The following SAMD8 variants were observed in gnomAD, a reference collection of about 807,000 sequenced individuals.
SAMD8 encodes sphingomyelin synthase-related protein 1.
Under a neutral mutation model 42.0 loss-of-function variants are expected in SAMD8, and 20 were observed. The ratio of observed to expected loss-of-function variants is 0.48; its 90% confidence interval spans 0.34 to 0.69. The LOEUF (loss-of-function observed/expected upper bound fraction) is 0.69, where lower values mean the gene tolerates loss of function less well. Ranked by LOEUF, SAMD8 falls within the 30% of genes least tolerant of loss-of-function variation. The probability of loss-of-function intolerance (pLI) is 0.01; values close to 1 mark genes in which losing one functional copy is unlikely to be tolerated. For synonymous variants in SAMD8, 162 were observed against 173.0 expected, an observed-to-expected ratio of 0.94 and a Z score of 0.50; for missense variants, 328 against 511.6, an observed-to-expected ratio of 0.64 and a Z score of 3.46.
intron 1 of SAMD8, chr10:75,105,562 C>A: frequency 8.3e-7 from 1 of 1,210,844 alleles, no homozygotes; most frequent in South Asian, 1.4e-5. Flanking sequence ...ACAGCCCTGC[C>A]AACCAATCCT....
rs550353716 is a variant in SAMD8, at chr10:75,178,228, A to G, written c.*1536A>G. 5 of 152,350 alleles carry G rather than the reference A, an allele frequency of 3.3e-5. No homozygotes were observed. Among genetic ancestry groups the G allele is most frequent in the African/African-American group, 9.6e-5 (4 of 41,594 alleles). 9.4% of individuals were successfully genotyped at this position (152,350 alleles called of 1,614,324 possible). The stretch of plus-strand genomic sequence containing the variant: ...TCTCAGCTAGTGCTGAATGACCCCA[A>G]TTTGGGTCTGCTGTGAACATCATTT... On this transcript the variant is annotated 3_prime_UTR_variant, in exon 6 of 6. Coordinates refer to ENST00000542569, the MANE Select transcript of SAMD8 (RefSeq NM_001174156.2).
rs1841046914 is a variant in SAMD8, at chr10:75,179,606, AC to A, written c.*2915del. ...TTTTAACTATTATAAGGCAGTGTTT[AC>A]ATAAATTAATCATCTCTTTCTTGGA... On this transcript the variant is annotated 3_prime_UTR_variant, in exon 6 of 6. Transcript: ENST00000542569. 3 of 152,238 alleles carry A rather than the reference AC, an allele frequency of 2.0e-5. No individual in the cohort carries two copies. Among genetic ancestry groups the A allele is most frequent in the Admixed American group, 2.0e-4 (3 of 15,282 alleles). 9.4% of individuals were successfully genotyped at this position (152,238 alleles called of 1,614,324 possible).
intron 1 of SAMD8, among the ~76,000 whole-genome samples, chr10:75,140,162 G>T (rs1589952100): frequency 6.6e-6 from 1 of 152,128 alleles, no homozygotes; most frequent in Non-Finnish European, 1.5e-5. Context: ...ACACCACTTT[G>T]TCTTGATTTG....
chr10:75,111,871 A>T, intron 1 of SAMD8, 149 bp downstream of exon 1: 1 of 986,292 alleles, frequency 1.0e-6, no homozygotes, highest in Non-Finnish European at 1.3e-6. Context: ...CGGGATAGTC[A>T]GCTCTGGAAT....
intron 1 of SAMD8, among the ~76,000 whole-genome samples, chr10:75,126,421 C>T (rs946481501): frequency 4.6e-5 from 7 of 151,300 alleles, no homozygotes; most frequent in African/African-American, 1.7e-4. Flanking sequence ...GCCACATTGC[C>T]TAGTGTAATA....
chr10:75,108,149 G>A (rs369529608), upstream of SAMD8: 104 of 1,613,060 alleles, frequency 6.4e-5, no homozygotes, highest in African/African-American at 3.1e-4. Context: ...CCTTGTGGGC[G>A]GCGTTCAGCA....
intron 3 of SAMD8, among the ~76,000 whole-genome samples, chr10:75,166,650 T>C (rs1368481051): frequency 6.6e-6 from 1 of 152,210 alleles, no homozygotes; most frequent in African/African-American, 2.4e-5. Context: ...TTGTCCTGTT[T>C]TGCAGCAATA....
chr10:75,100,093 G>A (rs1049770501), intron 1 of SAMD8, among the ~76,000 whole-genome samples: 8 of 152,236 alleles, frequency 5.3e-5, no homozygotes, highest in Non-Finnish European at 1.0e-4. Flanking sequence ...TCAGGCCTGC[G>A]GAGCTTGGCA....
intron 1 of SAMD8, among the ~76,000 whole-genome samples, chr10:75,121,731 G>A (rs1418068108): frequency 2.6e-5 from 4 of 151,116 alleles, no homozygotes; most frequent in Admixed American, 6.6e-5. Flanking sequence ...TCACTTTGTC[G>A]CCCAGGCTGG....
intron 3 of SAMD8, among the ~76,000 whole-genome samples, chr10:75,166,024 C>CATATAGTCTG (rs1840668924): frequency 6.8e-6 from 1 of 146,670 alleles, no homozygotes; most frequent in South Asian, 2.2e-4. Context: ...ACAACATGTA[C>CATATAGTCTG]ATATAGTCTG....
At chr10:75,171,388 C>G (rs888738008) in intron 4 of SAMD8, among the ~76,000 whole-genome samples, 1 of 151,356 alleles carries the variant, frequency 6.6e-6, no homozygotes, top group East Asian at 2.0e-4. Context: ...AGGATGGTCT[C>G]GATCTCCTGA....
chr10:75,108,394 G>T, upstream of SAMD8: 1 of 1,128,176 alleles, frequency 8.9e-7, no homozygotes, highest in Non-Finnish European at 1.2e-6. Flanking sequence ...TCTGGTGGCT[G>T]AGCCGGCGGT....
At chr10:75,111,100 T>C (rs923498289), upstream of SAMD8, among the ~76,000 whole-genome samples, 1 of 152,162 alleles carries the variant, frequency 6.6e-6, no homozygotes, top group Non-Finnish European at 1.5e-5. Flanking sequence ...GACGTGAGCC[T>C]CCGCTCCCGG....
intron 4 of SAMD8, among the ~76,000 whole-genome samples, chr10:75,171,160 CTTTTTTTT>C (rs1003923090): frequency 5.8e-5 from 4 of 68,516 alleles, no homozygotes; most frequent in East Asian, 5.4e-4. Flanking sequence ...CTTTCTTTTT[CTTTTTTTT>C]TTTTTTTTTT....
chr10:75,164,219 A>G (rs1003612488), intron 2 of SAMD8, among the ~76,000 whole-genome samples: 1 of 152,150 alleles, frequency 6.6e-6, no homozygotes, highest in Non-Finnish European at 1.5e-5. Flanking sequence ...CCCTGTTTCA[A>G]AAACAACAAC....
At chr10:75,164,803 C>G (rs545238117) in intron 3 of SAMD8, 63 bp downstream of exon 3, 3 of 1,162,438 alleles carry the variant, frequency 2.6e-6, no homozygotes, top group East Asian at 2.3e-5. Context: ...ATCATAAAAT[C>G]TTAACCTTTC....
At chr10:75,100,423 C>A (rs543667891) in intron 1 of SAMD8, among the ~76,000 whole-genome samples, 3 of 152,288 alleles carry the variant, frequency 2.0e-5, no homozygotes, top group African/African-American at 4.8e-5. Context: ...CCGGCCACCC[C>A]CCCAGGGACT....
Position 75,150,720 on chromosome 10 carries a change from C to T in SAMD8, c.192C>T (p.Asp64=), listed in dbSNP as rs149281374. The change falls in exon 2 of 6, where the codon GAC becomes GAT. Residue 64 remains aspartate (D), a synonymous_variant. Transcript: ENST00000542569. ...CTCTGGAAATCAAAGTCTTAGGGGA[C>T]ATTAAAAGGTTAATGCTCTCAGTCC... ...SPPLEIKVLG[D]IKRLMLSVRK... The T allele has an allele frequency of 9.9e-6, 16 of 1,614,114 alleles. No individual in the cohort carries two copies. Among genetic ancestry groups the T allele is most frequent in the Admixed American group, 1.7e-5 (1 of 60,016 alleles).
At position 75,164,708 on chromosome 10, in the gene SAMD8, T is replaced by G; in HGVS notation, c.642T>G (p.Ile214Met). The G allele has an allele frequency of 6.2e-7, 1 of 1,614,148 alleles. No individual in the cohort carries two copies. Among genetic ancestry groups the G allele is most frequent in the Non-Finnish European group, 8.5e-7 (1 of 1,179,996 alleles). Residue 214 changes from isoleucine to methionine, a missense_variant, in exon 3 of 6, where the codon ATT becomes ATG. Around this residue, in one of 2 missense-constraint regions of SAMD8, gnomAD observed 178 missense variants for 325.6 expected, o/e 0.55. Coordinates refer to ENST00000542569, the MANE Select transcript of SAMD8 (RefSeq NM_001174156.2). ...TEVCGMILCY[I>M]WLLVLLLHKH... Reference sequence around the variant, plus strand: ...TATGTGGCATGATTCTGTGCTATATTTGGCTCCTGGTTCTTCTTCTTCACA... The same window carrying G: ...TATGTGGCATGATTCTGTGCTATATGTGGCTCCTGGTTCTTCTTCTTCACA...
Sources: allele counts gnomAD v4.1 joint callset (sites outside exome capture counted in the v4.1 genomes callset), GRCh38; gene constraint gnomAD v4.1.1; regional missense constraint gnomAD v4.1.1; transcripts MANE v1.5; gene names NCBI Gene and HGNC (gene_info 2026-07-23, HGNC 2026-07-21).